KANK1: variants seen among roughly 807,000 people sequenced by gnomAD.
KANK1 encodes KN motif and ankyrin repeat domains 1.
A neutral mutation model predicts 106.2 loss-of-function variants in KANK1; 109 were observed. That is an observed-to-expected ratio of 1.03 (90% CI 0.88 to 1.20). The LOEUF (loss-of-function observed/expected upper bound fraction) is 1.20. Ranked by LOEUF, KANK1 falls within the 50% of genes most tolerant of loss-of-function variation. The pLI is 0.00. For missense variants in KANK1, 2,399 were observed against 1,710.7 expected (o/e 1.40, Z -7.10); for synonymous variants, 873 against 652.2 (o/e 1.34, Z -5.16).
At chr9:524,865 GTC>G (rs1445270103) in intron 1 of KANK1, among the ~76,000 whole-genome samples, 4 of 151,116 alleles carry the variant, frequency 2.6e-5, no homozygotes. Flanking sequence ...TGGGTATGCT[GTC>G]TCTCTACAGG....
At chr9:490,664 G>A (rs951432048) in intron 3 of KANK1, among the ~76,000 whole-genome samples, 2 of 152,148 alleles carry the variant, frequency 1.3e-5, no homozygotes, top group Non-Finnish European at 2.9e-5. Context: ...AATTGCCAAA[G>A]TTTCAACTGA....
chr9:572,777 A>G (rs1266483804), intron 1 of KANK1, among the ~76,000 whole-genome samples: 1 of 152,164 alleles, frequency 6.6e-6, no homozygotes, highest in Non-Finnish European at 1.5e-5. Context: ...AACATGTTTT[A>G]ACTCATGAGT....
At chr9:555,982 CAG>C (rs1028722042) in intron 1 of KANK1, among the ~76,000 whole-genome samples, 2 of 152,126 alleles carry the variant, frequency 1.3e-5, no homozygotes, top group Admixed American at 1.3e-4. Context: ...TAAACATTTT[CAG>C]AGTTATACTT....
chr9:635,556 C>T (rs1404981031), intron 1 of KANK1, among the ~76,000 whole-genome samples: 1 of 152,052 alleles, frequency 6.6e-6, no homozygotes, highest in Non-Finnish European at 1.5e-5. Context: ...TGGAGCTAGT[C>T]TTCAAAATGG....
chr9:527,042 C>T (rs961714815), intron 1 of KANK1, among the ~76,000 whole-genome samples: 1 of 151,744 alleles, frequency 6.6e-6, no homozygotes, highest in Non-Finnish European at 1.5e-5. Flanking sequence ...AGCTTTTGCC[C>T]ACCCAGAGTT....
intron 3 of KANK1, among the ~76,000 whole-genome samples, chr9:494,575 TTCTC>T (rs1276176129): frequency 6.6e-6 from 1 of 152,148 alleles, no homozygotes. Flanking sequence ...CATTCTAACT[TTCTC>T]TCTCTCCCCA....
chr9:723,479 C>T (rs1283621533), intron 3 of KANK1, among the ~76,000 whole-genome samples: 1 of 150,432 alleles, frequency 6.6e-6, no homozygotes, highest in African/African-American at 2.5e-5. Flanking sequence ...TTTCGTGGGG[C>T]ATGATCACAA....
intron 3 of KANK1, among the ~76,000 whole-genome samples, chr9:485,319 A>T (rs1211210236): frequency 2.0e-5 from 3 of 152,204 alleles, no homozygotes; most frequent in Non-Finnish European, 4.4e-5. Flanking sequence ...GTTAAGGTAT[A>T]ATTTACATAC....
chr9:608,594 A>T (rs1829864560), intron 1 of KANK1, among the ~76,000 whole-genome samples: 1 of 149,266 alleles, frequency 6.7e-6, no homozygotes, highest in Non-Finnish European at 1.5e-5. Flanking sequence ...CTCTCTCTCT[A>T]GTCACTTCGG....
At chr9:709,102 A>G (rs922061132) in intron 2 of KANK1, among the ~76,000 whole-genome samples, 6 of 152,196 alleles carry the variant, frequency 3.9e-5, no homozygotes, top group African/African-American at 1.4e-4. Flanking sequence ...ACTCATGACA[A>G]TACAAAACAA....
At chr9:475,563 G>T (rs1342769276) in intron 3 of KANK1, among the ~76,000 whole-genome samples, 3 of 152,134 alleles carry the variant, frequency 2.0e-5, no homozygotes, top group Non-Finnish European at 4.4e-5. Context: ...TATCTAGGGG[G>T]TCTGGGGAGT....
rs111943770 is a variant in KANK1, at chr9:643,960, C to A, written c.-83-32930C>A. On this transcript the variant is annotated intron_variant, in intron 1 of 11. Coordinates refer to ENST00000382297, the MANE Select transcript of KANK1 (RefSeq NM_015158.5). ...TCAGTTGAGGCACCCGCCTTGGCCT[C>A]CCAAAGTGCTGGGATTACAGGCGTG... Among the ~76,000 whole-genome samples, 134 of 151,074 alleles carry A rather than the reference C, an allele frequency of 8.9e-4. 7 individuals are homozygous for A. Among genetic ancestry groups the A allele is most frequent in the African/African-American group, 3.1e-3 (127 of 40,392 alleles).
At chr9:535,614 C>A (rs925752690) in intron 1 of KANK1, among the ~76,000 whole-genome samples, 8 of 152,174 alleles carry the variant, frequency 5.3e-5, no homozygotes, top group Non-Finnish European at 8.8e-5. Context: ...ACAGACAATA[C>A]AGTACACCTG....
At chr9:739,344 ATC>A in intron 8 of KANK1, among the ~76,000 whole-genome samples, 1 of 152,212 alleles carries the variant, frequency 6.6e-6, no homozygotes, top group African/African-American at 2.4e-5. Flanking sequence ...AGAATATGCA[ATC>A]ATACTGTCCA....
chr9:522,423 T>C (rs143432783), intron 1 of KANK1, among the ~76,000 whole-genome samples: 1 of 151,766 alleles, frequency 6.6e-6, no homozygotes, highest in Non-Finnish European at 1.5e-5. Context: ...CTTTCTGTGC[T>C]CACTCCGTCT....
rs924872242 is a variant in KANK1, at chr9:664,725, C to G, written c.-83-12165C>G. On this transcript the variant is annotated intron_variant, in intron 1 of 11. Coordinates refer to ENST00000382297, the MANE Select transcript of KANK1 (RefSeq NM_015158.5). ...AATTGCTGGATCATATAGTATTCTACTTTTACATTTTTGAGGAACCTCTGA... is the reference window on the plus strand; with the variant it reads ...AATTGCTGGATCATATAGTATTCTAGTTTTACATTTTTGAGGAACCTCTGA... 2.4e-4 allele frequency among the ~76,000 whole-genome samples: 37 copies of G among 152,162 alleles called. 2 individuals carry two copies. Among genetic ancestry groups the G allele is most frequent in the African/African-American group, 8.9e-4 (37 of 41,426 alleles).
intron 3 of KANK1, among the ~76,000 whole-genome samples, chr9:728,652 A>G (rs1488174519): frequency 6.6e-6 from 1 of 152,136 alleles, no homozygotes; most frequent in Non-Finnish European, 1.5e-5. Context: ...GACATTTACC[A>G]TCTATATAGA....
At chr9:604,940 C>T (rs1828713308) in intron 1 of KANK1, among the ~76,000 whole-genome samples, 1 of 151,842 alleles carries the variant, frequency 6.6e-6, no homozygotes, top group South Asian at 2.1e-4. Context: ...TTCTTTATAG[C>T]AGTGTGAAAA....
intron 1 of KANK1, among the ~76,000 whole-genome samples, chr9:513,316 A>G (rs928128499): frequency 2.0e-5 from 3 of 152,228 alleles, no homozygotes; most frequent in South Asian, 2.1e-4. Context: ...TTGTATGTGG[A>G]TGTGCTGTCA....
Sources: allele counts gnomAD v4.1 joint callset (sites outside exome capture counted in the v4.1 genomes callset), GRCh38; gene constraint gnomAD v4.1.1; transcripts MANE v1.5; gene names NCBI Gene and HGNC (gene_info 2026-07-23, HGNC 2026-07-21).